The following TENM3 variants were observed in gnomAD, a reference collection of about 807,000 sequenced individuals.
TENM3 encodes the protein teneurin-3.
Under a neutral mutation model 255.1 loss-of-function variants are expected in TENM3, and 63 were observed. The ratio of observed to expected loss-of-function variants is 0.25; its 90% confidence interval spans 0.20 to 0.30. The LOEUF is 0.30. Among genes scored for constraint, TENM3 ranks in the 10% least tolerant of loss-of-function variants. The pLI is 1.00. For synonymous variants in TENM3, 1,306 were observed against 1,322.3 expected (o/e 0.99, Z 0.27); for missense variants, 2,929 against 3,461.1 (o/e 0.85, Z 3.86).
chr4:181,858,187 A>G, the TENM3 span, among the ~76,000 whole-genome samples: 1 of 152,212 alleles, frequency 6.6e-6, no homozygotes. Context: ...CAGCAGCTCA[A>G]CAGATCTTCC....
intron 1 of TENM3, among the ~76,000 whole-genome samples, chr4:182,306,094 C>G (rs1163449937): frequency 1.3e-5 from 2 of 152,164 alleles, no homozygotes; most frequent in African/African-American, 4.8e-5. Context: ...TTACACAAAC[C>G]TGTACTTCAT....
At chr4:181,729,617 T>C in the TENM3 span, among the ~76,000 whole-genome samples, 9 of 152,320 alleles carry the variant, frequency 5.9e-5, no homozygotes, top group Admixed American at 2.0e-4. Flanking sequence ...AAATTTGGTA[T>C]GTTAAACATA....
chr4:182,312,306 G>A (rs935739264), intron 1 of TENM3, among the ~76,000 whole-genome samples: 8 of 152,286 alleles, frequency 5.3e-5, no homozygotes, highest in Middle Eastern at 6.8e-3. Context: ...AGGCTGCAGT[G>A]AGCTGTGATC....
the TENM3 span, among the ~76,000 whole-genome samples, chr4:181,683,591 C>A: frequency 6.6e-6 from 1 of 152,144 alleles, no homozygotes. Flanking sequence ...CTTTGAGAAC[C>A]TATGCACTAG....
intron 3 of TENM3, among the ~76,000 whole-genome samples, chr4:182,597,229 C>T (rs113754576): frequency 0.021 from 3,162 of 152,126 alleles, 64 homozygotes; most frequent in East Asian, 0.03. Context: ...ATAGGGAAAC[C>T]CCATCTCGAC....
intron 3 of TENM3, among the ~76,000 whole-genome samples, chr4:182,434,026 A>G (rs1198804974): frequency 6.6e-6 from 1 of 152,114 alleles, no homozygotes. Context: ...AGGCAGAAGG[A>G]TCCTTTGAAT....
chr4:181,527,585 C>T, the TENM3 span, among the ~76,000 whole-genome samples: 5 of 149,104 alleles, frequency 3.4e-5, no homozygotes, highest in African/African-American at 7.4e-5. Flanking sequence ...AGGCTGGTCT[C>T]GAACTCCTGA....
At chr4:182,214,238 C>T (rs1755282426) in intron 1 of TENM3, among the ~76,000 whole-genome samples, 1 of 152,180 alleles carries the variant, frequency 6.6e-6, no homozygotes, top group African/African-American at 2.4e-5. Context: ...TCCTAGTTTT[C>T]ACTACCCCTT....
intron 24 of TENM3, among the ~76,000 whole-genome samples, chr4:182,778,142 G>T (rs1764849949): frequency 6.6e-6 from 1 of 151,882 alleles, no homozygotes; most frequent in South Asian, 2.1e-4. Flanking sequence ...ATATTCCTAG[G>T]TTTTATCAGG....
intron 12 of TENM3, among the ~76,000 whole-genome samples, chr4:182,689,851 T>G (rs1201516350): frequency 6.6e-6 from 1 of 152,244 alleles, no homozygotes. Context: ...GATGAGTTTT[T>G]CCTGCAATTT....
chr4:182,386,700 C>T (rs576425923), intron 3 of TENM3, among the ~76,000 whole-genome samples: 35 of 152,342 alleles, frequency 2.3e-4, no homozygotes, highest in African/African-American at 7.5e-4. Flanking sequence ...CCCAGGCCAG[C>T]GGCTGCAGAG....
the TENM3 span, among the ~76,000 whole-genome samples, chr4:182,008,957 CTTGT>C: frequency 6.6e-6 from 1 of 151,982 alleles, no homozygotes; most frequent in African/African-American, 2.4e-5. Context: ...CTGCTTTCTG[CTTGT>C]TTGTTTTTCT....
upstream of TENM3, among the ~76,000 whole-genome samples, chr4:182,140,480 C>A (rs866265256): frequency 6.6e-6 from 1 of 152,108 alleles, no homozygotes; most frequent in Non-Finnish European, 1.5e-5. Context: ...AGGTTGCAGC[C>A]GGGGCAGCAA....
chr4:181,649,844 C>T, the TENM3 span, among the ~76,000 whole-genome samples: 7 of 152,068 alleles, frequency 4.6e-5, no homozygotes, highest in African/African-American at 7.2e-5. Context: ...GTAGAGCTGT[C>T]GTGGTACAGA....
At chr4:181,717,137 T>G in the TENM3 span, among the ~76,000 whole-genome samples, 1 of 152,138 alleles carries the variant, frequency 6.6e-6, no homozygotes, top group Non-Finnish European at 1.5e-5. Context: ...AAACAGGAAT[T>G]TATGCAGACA....
chr4:181,578,881 C>T, the TENM3 span, among the ~76,000 whole-genome samples: 422 of 152,206 alleles, frequency 2.8e-3, 1 homozygote, highest in Admixed American at 4.4e-3. Context: ...AGTCACATTC[C>T]GAGGTACTAG....
intron 3 of TENM3, among the ~76,000 whole-genome samples, chr4:182,532,171 G>A (rs1739842715): frequency 6.6e-6 from 1 of 152,146 alleles, no homozygotes; most frequent in Non-Finnish European, 1.5e-5. Flanking sequence ...TATGTATTGG[G>A]AGGCAGTCTA....
chr4:182,436,926 G>A lies in TENM3; in HGVS notation c.511+89997G>A, dbSNP rs72997384. On this transcript the variant is annotated intron_variant, in intron 3 of 27. Transcript: ENST00000511685. ...CCAGCTACTAGGGAGTACTAGGGAG[G>A]CTGAGGCAGGAGAATTGCTTGAACC... Among the ~76,000 whole-genome samples the A allele has an allele frequency of 5.4e-3, 826 of 152,150 alleles. 9 individuals are homozygous for A. The highest frequency in any genetic ancestry group is 0.019 in the African/African-American group (779 of 41,490).
At chr4:182,377,789 G>A (rs569198365) in intron 3 of TENM3, among the ~76,000 whole-genome samples, 1 of 152,298 alleles carries the variant, frequency 6.6e-6, no homozygotes, top group Non-Finnish European at 1.5e-5. Flanking sequence ...GGGAAAGCAA[G>A]AGAGCCTGGT....
Sources: allele counts gnomAD v4.1 joint callset (sites outside exome capture counted in the v4.1 genomes callset), GRCh38; gene constraint gnomAD v4.1.1; transcripts MANE v1.5; gene names NCBI Gene and HGNC (gene_info 2026-07-23, HGNC 2026-07-21).